KCNMA1: variants seen among roughly 807,000 people sequenced by gnomAD.
KCNMA1 encodes Calcium-activated potassium channel subunit alpha-1.
KCNMA1 carries 29 observed loss-of-function variants against 140.0 expected under a neutral mutation model. The ratio of observed to expected loss-of-function variants is 0.21; its 90% CI spans 0.15 to 0.28. KCNMA1 has a LOEUF of 0.28. Ranked by LOEUF, KCNMA1 falls within the 10% of genes least tolerant of loss-of-function variation. The pLI is 1.00. For missense variants in KCNMA1, 880 were observed against 1,602.2 expected, an observed-to-expected ratio of 0.55 and a Z score of 7.70; for synonymous variants, 612 against 611.9, an observed-to-expected ratio of 1.00 and a Z score of 0.00.
At chr10:77,575,065 T>C (rs1294479453) in intron 1 of KCNMA1, among the ~76,000 whole-genome samples, 2 of 152,218 alleles carry the variant, frequency 1.3e-5, no homozygotes, top group Non-Finnish European at 2.9e-5. Flanking sequence ...CCTGTGTTTG[T>C]TGCCCAGCCT....
intron 1 of KCNMA1, among the ~76,000 whole-genome samples, chr10:77,406,217 G>T (rs558293754): frequency 2.0e-5 from 3 of 152,098 alleles, no homozygotes; most frequent in Non-Finnish European, 4.4e-5. Context: ...CTCTGAACAG[G>T]AGGGTATTTA....
chr10:76,965,376 A>G (rs1309503968), intron 20 of KCNMA1, among the ~76,000 whole-genome samples: 1 of 152,174 alleles, frequency 6.6e-6, no homozygotes, highest in African/African-American at 2.4e-5. Flanking sequence ...GCTGGGGTTG[A>G]GTGGGCCTTC....
intron 1 of KCNMA1, among the ~76,000 whole-genome samples, chr10:77,476,451 C>T (rs371132852): frequency 2.0e-5 from 3 of 152,180 alleles, no homozygotes; most frequent in African/African-American, 7.2e-5. Flanking sequence ...TGGTGCTTCC[C>T]GCTCCCTAAG....
At chr10:77,143,435 A>C (rs2098224815) in intron 5 of KCNMA1, among the ~76,000 whole-genome samples, 1 of 152,130 alleles carries the variant, frequency 6.6e-6, no homozygotes, top group Non-Finnish European at 1.5e-5. Flanking sequence ...CCAGAAATAG[A>C]CCCATATATA....
At chr10:77,151,262 C>G (rs1184540972) in intron 5 of KCNMA1, among the ~76,000 whole-genome samples, 1 of 151,388 alleles carries the variant, frequency 6.6e-6, no homozygotes, top group Non-Finnish European at 1.5e-5. Context: ...GAGTCTTGCT[C>G]TGTCACCAGG....
chr10:77,542,742 C>T (rs965526460), intron 1 of KCNMA1, among the ~76,000 whole-genome samples: 22 of 152,140 alleles, frequency 1.4e-4, no homozygotes, highest in Admixed American at 6.5e-5. Flanking sequence ...CTATCAACAT[C>T]TAAAAGACCT....
chr10:77,382,966 G>A (rs1417265526), intron 2 of KCNMA1, among the ~76,000 whole-genome samples: 1 of 74,266 alleles, frequency 1.3e-5, no homozygotes, highest in Non-Finnish European at 2.6e-5. Context: ...ATACGTGTGT[G>A]TGTGTGTGTG....
chr10:77,052,377 G>C (rs1320239600), intron 14 of KCNMA1, among the ~76,000 whole-genome samples: 2 of 152,046 alleles, frequency 1.3e-5, no homozygotes, highest in African/African-American at 2.4e-5. Context: ...ATCATGTGTG[G>C]GTAGCACCAT....
At chr10:76,914,330 T>C (rs545248910) in intron 24 of KCNMA1, 12 of 577,586 alleles carry the variant, frequency 2.1e-5, no homozygotes, top group African/African-American at 1.9e-4. Context: ...GGGAGTGCCA[T>C]GGCCAGGTTA....
chr10:77,261,110 C>A (rs1184908491), intron 2 of KCNMA1, among the ~76,000 whole-genome samples: 1 of 152,064 alleles, frequency 6.6e-6, no homozygotes, highest in African/African-American at 2.4e-5. Context: ...CCTGCATGCC[C>A]CCCAGCAGTT....
At chr10:77,121,154 T>A (rs1259283714) in intron 5 of KCNMA1, 106 bp from the exon 6 acceptor site, 2 of 757,064 alleles carry the variant, frequency 2.6e-6, no homozygotes, top group East Asian at 2.6e-5. Flanking sequence ...GGATGGGAAG[T>A]TCTTGCAGAA....
intron 1 of KCNMA1, among the ~76,000 whole-genome samples, chr10:77,604,412 T>C (rs1381423817): frequency 1.3e-5 from 2 of 152,206 alleles, no homozygotes; most frequent in African/African-American, 4.8e-5. Flanking sequence ...TTTTAGTTTT[T>C]AAAAGTTGTT....
chr10:77,508,565 CTT>C (rs773700858), intron 1 of KCNMA1, among the ~76,000 whole-genome samples: 26 of 124,462 alleles, frequency 2.1e-4, no homozygotes, highest in Admixed American at 6.6e-4. Context: ...TTTCCTTTTT[CTT>C]TTTTTTTTCT....
At chr10:76,951,006 T>C (rs1330326889) in intron 21 of KCNMA1, among the ~76,000 whole-genome samples, 1 of 152,076 alleles carries the variant, frequency 6.6e-6, no homozygotes, top group Non-Finnish European at 1.5e-5. Context: ...AGCCAACCAG[T>C]CTATAAAGCA....
chr10:76,942,623 T>G (rs2062830761), intron 23 of KCNMA1, among the ~76,000 whole-genome samples: 1 of 152,212 alleles, frequency 6.6e-6, no homozygotes, highest in African/African-American at 2.4e-5. Flanking sequence ...ATATAGGATC[T>G]AAGAGGCTGG....
intron 1 of KCNMA1, among the ~76,000 whole-genome samples, chr10:77,539,359 T>C (rs1268388937): frequency 6.6e-6 from 1 of 152,182 alleles, no homozygotes; most frequent in Non-Finnish European, 1.5e-5. Flanking sequence ...CAACAACGTA[T>C]CCACTAAAAT....
intron 18 of KCNMA1, among the ~76,000 whole-genome samples, chr10:77,010,352 A>C (rs1038195722): frequency 6.6e-6 from 1 of 151,762 alleles, no homozygotes; most frequent in Non-Finnish European, 1.5e-5. Context: ...CCTGGTGAAG[A>C]AGGTCTTTGG....
intron 3 of KCNMA1, among the ~76,000 whole-genome samples, chr10:77,193,218 C>A (rs2039214293): frequency 6.6e-6 from 1 of 152,178 alleles, no homozygotes; most frequent in South Asian, 2.1e-4. Flanking sequence ...ATGTCCAAGA[C>A]AACCTACCCA....
intron 25 of KCNMA1, among the ~76,000 whole-genome samples, chr10:76,895,137 GC>G (rs1307412248): frequency 2.0e-5 from 3 of 152,132 alleles, no homozygotes; most frequent in Non-Finnish European, 4.4e-5. Flanking sequence ...ACCGGTGCAT[GC>G]CGCCCCTAGT....
Sources: allele counts gnomAD v4.1 joint callset (sites outside exome capture counted in the v4.1 genomes callset), GRCh38; gene constraint gnomAD v4.1.1; transcripts MANE v1.5; gene names NCBI Gene and HGNC (gene_info 2026-07-23, HGNC 2026-07-21).